ABTB3: variants seen among roughly 807,000 people sequenced by gnomAD.
ABTB3 encodes the protein ankyrin repeat- and BTB/POZ domain-containing protein 3.
chr12:107,619,817 C>T, the ABTB3 span, among the ~76,000 whole-genome samples: 5 of 152,202 alleles, frequency 3.3e-5, no homozygotes, highest in Non-Finnish European at 7.3e-5. Context: ...GAAAAGCCTA[C>T]ACTGGTTCTG....
chr12:107,436,963 G>A, the ABTB3 span, among the ~76,000 whole-genome samples: 10 of 151,606 alleles, frequency 6.6e-5, no homozygotes, highest in East Asian at 1.9e-4. Flanking sequence ...CCCCCCCGCC[G>A]CACCTGCCCC....
chr12:107,513,646 A>G, the ABTB3 span, among the ~76,000 whole-genome samples: 1 of 152,156 alleles, frequency 6.6e-6, no homozygotes, highest in Non-Finnish European at 1.5e-5. Context: ...CAGTGTGAAA[A>G]TGGACTAATA....
chr12:107,610,086 A>G, the ABTB3 span: 1 of 1,367,760 alleles, frequency 7.3e-7, no homozygotes, highest in Non-Finnish European at 1.0e-6. Context: ...CAGGCAATTT[A>G]CATGAAAAGC....
At chr12:107,611,776 A>G in the ABTB3 span, among the ~76,000 whole-genome samples, 1 of 152,086 alleles carries the variant, frequency 6.6e-6, no homozygotes. Flanking sequence ...TGTGTTTACT[A>G]TTACTCTTCT....
chr12:107,448,958 C>T, the ABTB3 span, among the ~76,000 whole-genome samples: 1 of 152,194 alleles, frequency 6.6e-6, no homozygotes, highest in Non-Finnish European at 1.5e-5. Context: ...ATGAATGAAC[C>T]GAAGCAGCAT....
At chr12:107,506,987 A>G in the ABTB3 span, among the ~76,000 whole-genome samples, 18 of 152,332 alleles carry the variant, frequency 1.2e-4, no homozygotes, top group South Asian at 2.9e-3. Context: ...TTGAAGTTTT[A>G]AAAACAGGCA....
the ABTB3 span, among the ~76,000 whole-genome samples, chr12:107,498,783 AC>A: frequency 1.7e-4 from 26 of 152,064 alleles, no homozygotes; most frequent in African/African-American, 6.3e-4. Flanking sequence ...TCCACCCACT[AC>A]CTTGACTCTC....
chr12:107,559,729 C>T, the ABTB3 span, among the ~76,000 whole-genome samples: 4 of 152,222 alleles, frequency 2.6e-5, no homozygotes, highest in Admixed American at 6.5e-5. Context: ...CACAAACAAA[C>T]CCTCTACAGG....
At chr12:107,410,389 G>GAGA in the ABTB3 span, among the ~76,000 whole-genome samples, 9 of 152,144 alleles carry the variant, frequency 5.9e-5, no homozygotes, top group Non-Finnish European at 1.2e-4. Flanking sequence ...AGAGTGGGTA[G>GAGA]AGAGGGAGAG....
chr12:107,396,130 C>G, the ABTB3 span, among the ~76,000 whole-genome samples: 1 of 152,216 alleles, frequency 6.6e-6, no homozygotes, highest in African/African-American at 2.4e-5. Context: ...CTTGCCTAGC[C>G]CTTGTATTTC....
At chr12:107,369,194 T>A in the ABTB3 span, among the ~76,000 whole-genome samples, 1 of 152,156 alleles carries the variant, frequency 6.6e-6, no homozygotes, top group Non-Finnish European at 1.5e-5. Context: ...ACAAAGGTAT[T>A]GTTTCACTTT....
chr12:107,620,220 C>T, the ABTB3 span: 9 of 1,591,452 alleles, frequency 5.7e-6, no homozygotes, highest in Non-Finnish European at 7.7e-6. Flanking sequence ...CTGGAGGTTC[C>T]CAGATCTGAA....
chr12:107,443,504 G>C, the ABTB3 span, among the ~76,000 whole-genome samples: 3 of 152,038 alleles, frequency 2.0e-5, no homozygotes, highest in Admixed American at 2.0e-4. Context: ...AGAGAGAACA[G>C]CAAGTGCAAA....
At chr12:107,505,940 G>A in the ABTB3 span, among the ~76,000 whole-genome samples, 6 of 152,136 alleles carry the variant, frequency 3.9e-5, no homozygotes, top group Non-Finnish European at 5.9e-5. Context: ...ACCACTGATG[G>A]GCATTTAGGT....
chr12:107,499,362 C>CTGTGTG, the ABTB3 span, among the ~76,000 whole-genome samples: 515 of 149,656 alleles, frequency 3.4e-3, no homozygotes, highest in African/African-American at 0.011. Flanking sequence ...AAGAGGGAAG[C>CTGTGTG]TGTGTGTGTG....
At chr12:107,580,170 TTC>T in the ABTB3 span, among the ~76,000 whole-genome samples, 1 of 152,202 alleles carries the variant, frequency 6.6e-6, no homozygotes, top group East Asian at 1.9e-4. Context: ...CTCCAGATAA[TTC>T]TGATGCACAT....
At chr12:107,642,952 G>A in the ABTB3 span, among the ~76,000 whole-genome samples, 4,039 of 152,084 alleles carry the variant, frequency 0.027, 88 homozygotes, top group Non-Finnish European at 0.042. Context: ...CTGCAACAAC[G>A]TTCTTGCAGC....
At chr12:107,464,949 T>TACACACACACACAC in the ABTB3 span, among the ~76,000 whole-genome samples, 1 of 146,544 alleles carries the variant, frequency 6.8e-6, no homozygotes, top group African/African-American at 2.5e-5. Context: ...CTCCCTACCT[T>TACACACACACACAC]ACACACACAC....
the ABTB3 span, among the ~76,000 whole-genome samples, chr12:107,345,599 C>A: frequency 6.6e-6 from 1 of 152,172 alleles, no homozygotes; most frequent in South Asian, 2.1e-4. Flanking sequence ...GATAGGACAC[C>A]CCCAACCCTG....
Sources: allele counts gnomAD v4.1 joint callset (sites outside exome capture counted in the v4.1 genomes callset), GRCh38; gene constraint gnomAD v4.1.1; transcripts MANE v1.5; gene names NCBI Gene and HGNC (gene_info 2026-07-23, HGNC 2026-07-21).